Variants in RTL9 observed in about 807,000 individuals in gnomAD.
RTL9 encodes retrotransposon Gag like 9.
A neutral mutation model predicts 44.7 loss-of-function variants in RTL9; 19 were observed. The observed-to-expected ratio is 0.42, with a 90% CI of 0.30 to 0.62. The LOEUF is 0.62. Ranked by LOEUF, RTL9 falls within the 20% of genes least tolerant of loss-of-function variation. RTL9 has a pLI of 0.16. For missense variants in RTL9, 1,105 were observed against 1,080.6 expected (o/e 1.02, Z -0.32); for synonymous variants, 407 against 398.9 (o/e 1.02, Z -0.24).
exon 1 of RTL9, chrX:110,451,621 C>A: frequency 8.3e-7 from 1 of 1,211,988 alleles, no homozygotes; most frequent in Non-Finnish European, 1.1e-6. Flanking sequence ...GAAATGTCCA[C>A]ATTACCAAAG....
At chrX:110,437,984 G>A (rs1269081780) in intron 1 of RTL9, among the ~76,000 whole-genome samples, 1 of 111,510 alleles carries the variant, frequency 9.0e-6, no homozygotes, top group East Asian at 2.8e-4. Context: ...CATTAAGTGG[G>A]TCTTATTCCC....
chrX:110,362,084 A>T (rs2068267625), intron 1 of RTL9, among the ~76,000 whole-genome samples: 1 of 111,996 alleles, frequency 8.9e-6, no homozygotes, highest in Non-Finnish European at 1.9e-5. Flanking sequence ...TAGTAGGCAC[A>T]TGATTTATTT....
upstream of RTL9, chrX:110,450,541 C>T (rs2068932754): frequency 1.1e-6 from 1 of 893,388 alleles, no homozygotes; most frequent in Non-Finnish European, 1.6e-6. Flanking sequence ...TGGCTTTTGA[C>T]CTCTAAACTT....
chrX:110,377,780 C>G (rs1031042771), intron 1 of RTL9, among the ~76,000 whole-genome samples: 1 of 109,964 alleles, frequency 9.1e-6, no homozygotes, highest in African/African-American at 3.3e-5. Context: ...GAGGCCGAGG[C>G]GGGCGGATCA....
At chrX:110,450,989 A>G in exon 1 of RTL9, 1 of 1,211,930 alleles carries the variant, frequency 8.3e-7, no homozygotes. Context: ...TAGATTCTGG[A>G]ACATTGTCCC....
chrX:110,419,253 T>G (rs922895803), intron 1 of RTL9: 15 of 112,472 alleles, frequency 1.3e-4, no homozygotes, highest in African/African-American at 4.5e-4. Flanking sequence ...GGTCTTTCAA[T>G]TTCTGCAACA....
chrX:110,381,480 G>A (rs1217107968), intron 1 of RTL9, among the ~76,000 whole-genome samples: 1 of 112,003 alleles, frequency 8.9e-6, no homozygotes, highest in Admixed American at 9.4e-5. Context: ...TGGTGGCAAT[G>A]TAAGTTAGTT....
chrX:110,454,299 T>A, exon 1 of RTL9: 4 of 1,211,737 alleles, frequency 3.3e-6, no homozygotes, highest in Non-Finnish European at 4.5e-6. Flanking sequence ...CATATATGAC[T>A]CCCTATCTGA....
chrX:110,451,704 A>T lies in RTL9; in HGVS notation c.1087A>T (p.Thr363Ser), dbSNP rs775201044. 5.1e-5 allele frequency: 62 copies of T among 1,208,735 alleles called. No individual in the cohort carries two copies. The highest frequency in any genetic ancestry group is 6.4e-5 in the Non-Finnish European group (57 of 894,752). ...ACCCTCTGGAGTGATGCCCACCCAA[A>T]CGATGCCAGCCCCAGGCTCTGGGGC... The change falls in exon 1 of 2, where the codon ACG becomes TCG. Residue 363 changes from threonine (T) to serine (S), a missense_variant. By Grantham distance (58) the Thr-to-Ser change is moderately conservative. Coordinates refer to ENST00000540313, the Ensembl canonical transcript of RTL9.
chrX:110,369,298 C>T (rs2148259633), intron 1 of RTL9, among the ~76,000 whole-genome samples: 1 of 111,148 alleles, frequency 9.0e-6, no homozygotes, highest in East Asian at 2.8e-4. Flanking sequence ...CACCACTGCA[C>T]TACAGCCTGG....
At chrX:110,431,323 CTGTGTGTGTG>C (rs759432836) in intron 1 of RTL9, among the ~76,000 whole-genome samples, 3 of 94,946 alleles carry the variant, frequency 3.2e-5, no homozygotes, top group African/African-American at 8.1e-5. Flanking sequence ...GAGGGGAAGG[CTGTGTGTGTG>C]TGTGTGTGTG....
At chrX:110,445,175 T>C (rs1165486620) in exon 2 of RTL9, 1 of 112,236 alleles carries the variant, frequency 8.9e-6, no homozygotes, top group Admixed American at 9.4e-5. Context: ...TTGAAGACAG[T>C]GTGTGACTCT....
intron 1 of RTL9, among the ~76,000 whole-genome samples, chrX:110,427,671 A>G (rs1041951709): frequency 2.0e-4 from 23 of 112,458 alleles, no homozygotes; most frequent in African/African-American, 7.1e-4. Context: ...TCTAATATAC[A>G]GTCAAGGCTG....
intron 1 of RTL9, among the ~76,000 whole-genome samples, chrX:110,409,195 T>G (rs1823072765): frequency 1.8e-5 from 2 of 111,182 alleles, no homozygotes; most frequent in Non-Finnish European, 3.8e-5. Flanking sequence ...GGGACTTTTT[T>G]TTTTGAGACG....
At chrX:110,377,805 C>G (rs1006745604) in intron 1 of RTL9, among the ~76,000 whole-genome samples, 2 of 108,684 alleles carry the variant, frequency 1.8e-5, no homozygotes, top group African/African-American at 3.4e-5. Flanking sequence ...GTCAGGAGAT[C>G]GAGACCATCC....
At chrX:110,396,476 C>T (rs977445927) in intron 1 of RTL9, among the ~76,000 whole-genome samples, 1 of 111,930 alleles carries the variant, frequency 8.9e-6, no homozygotes, top group African/African-American at 3.2e-5. Context: ...CCCTTCAAAC[C>T]ATGCTCTTGA....
intron 1 of RTL9, among the ~76,000 whole-genome samples, chrX:110,407,279 G>A (rs2068609432): frequency 1.8e-5 from 2 of 112,182 alleles, no homozygotes; most frequent in African/African-American, 6.5e-5. Flanking sequence ...GGTGAAGAGA[G>A]TCCTTGAGAT....
intron 1 of RTL9, among the ~76,000 whole-genome samples, chrX:110,444,859 G>A (rs917130061): frequency 4.5e-5 from 5 of 112,334 alleles, no homozygotes; most frequent in Admixed American, 1.9e-4. Context: ...GGAGTTTACG[G>A]TATACTGGTC....
intron 1 of RTL9, among the ~76,000 whole-genome samples, chrX:110,406,817 T>C (rs1014200725): frequency 8.9e-6 from 1 of 112,327 alleles, no homozygotes; most frequent in Non-Finnish European, 1.9e-5. Flanking sequence ...GTGTGCTCCA[T>C]AAATATTGAC....
Sources: allele counts gnomAD v4.1 joint callset (sites outside exome capture counted in the v4.1 genomes callset), GRCh38; gene constraint gnomAD v4.1.1; transcripts MANE v1.5; gene names NCBI Gene and HGNC (gene_info 2026-07-23, HGNC 2026-07-21).